SORCS1: variants seen among roughly 807,000 people sequenced by gnomAD.
SORCS1 encodes the protein VPS10 domain-containing receptor SorCS1.
In SORCS1, 60 loss-of-function variants were observed where a neutral mutation model predicts 146.1. The observed-to-expected ratio is 0.41, with a 90% confidence interval of 0.33 to 0.51. The LOEUF is 0.51. SORCS1 is among the 20% of genes least tolerant of loss of function. The pLI is 0.21. For missense variants in SORCS1, 1,352 were observed against 1,487.6 expected, an observed-to-expected ratio of 0.91 and a Z score of 1.50; for synonymous variants, 637 against 584.0, an observed-to-expected ratio of 1.09 and a Z score of -1.31.
chr10:106,578,562 T>C (rs897943751), intron 25 of SORCS1: 2 of 642,098 alleles, frequency 3.1e-6, no homozygotes, highest in Admixed American at 6.5e-5. Context: ...AGACTACCAA[T>C]AGATGTAAAA....
chr10:106,931,568 G>A (rs1013862594), intron 2 of SORCS1, among the ~76,000 whole-genome samples: 6 of 152,190 alleles, frequency 3.9e-5, no homozygotes, highest in South Asian at 2.1e-4. Flanking sequence ...ATGTTTGCTC[G>A]TTTGTAACTC....
chr10:106,898,401 A>G (rs369063163), intron 2 of SORCS1, among the ~76,000 whole-genome samples: 2 of 152,300 alleles, frequency 1.3e-5, no homozygotes, highest in South Asian at 2.1e-4. Flanking sequence ...TGGGCTTTCT[A>G]TGCAGGAGTT....
chr10:107,046,508 C>T (rs1959467230), intron 1 of SORCS1, among the ~76,000 whole-genome samples: 1 of 151,634 alleles, frequency 6.6e-6, no homozygotes, highest in Non-Finnish European at 1.5e-5. Flanking sequence ...TAAAGAGACC[C>T]CAAATGCAAA....
intron 19 of SORCS1, among the ~76,000 whole-genome samples, chr10:106,621,585 G>C (rs1248175788): frequency 1.3e-5 from 2 of 151,474 alleles, no homozygotes; most frequent in Non-Finnish European, 2.9e-5. Context: ...CCCTTTCTGG[G>C]CTCTAGACTC....
Position 106,801,380 on chromosome 10 carries a change from AT to A in SORCS1, c.727-24689del, listed in dbSNP as rs890766222. On this transcript the variant is annotated intron_variant, in intron 3 of 25. Coordinates refer to ENST00000263054, the MANE Select transcript of SORCS1 (RefSeq NM_052918.5). The stretch of plus-strand genomic sequence containing the variant: ...TTTATATATTAACCATAATTGGTCT[AT>A]TTTTTTTACTAATTTATAAAACATC... Among the ~76,000 whole-genome samples the A allele has an allele frequency of 1.7e-3, 252 of 149,142 alleles. 2 individuals carry two copies. Among genetic ancestry groups the A allele is most frequent in the African/African-American group, 5.8e-3 (239 of 41,146 alleles).
rs564248851 is a variant in SORCS1, at chr10:106,594,605, T to C, written c.3265+2746A>G. ...CTCCAGAATTGAAGAATGGGAGAAATAGGGTTAGTTCCAGGTCTAGCTTGA... is the reference window on the plus strand; with the variant it reads ...CTCCAGAATTGAAGAATGGGAGAAACAGGGTTAGTTCCAGGTCTAGCTTGA... On this transcript the variant is annotated intron_variant, in intron 24 of 25. Coordinates refer to ENST00000263054, the MANE Select transcript of SORCS1 (RefSeq NM_052918.5). Among the ~76,000 whole-genome samples, 415 of 152,010 alleles carry C rather than the reference T, an allele frequency of 2.7e-3. 2 individuals carry two copies. Among genetic ancestry groups the C allele is most frequent in the Non-Finnish European group, 5.1e-3 (346 of 67,940 alleles).
At position 107,095,837 on chromosome 10, in the gene SORCS1, G is replaced by T. The variant is rs531861505; in HGVS notation, c.558+68132C>A. 5.5e-4 allele frequency among the ~76,000 whole-genome samples: 83 copies of T among 152,140 alleles called. 1 individual carries two copies. Among genetic ancestry groups the T allele is most frequent in the African/African-American group, 1.9e-3 (80 of 41,514 alleles). The stretch of plus-strand genomic sequence containing the variant: ...TCCAAGGAGAAACACGGTAAAAGGT[G>T]ATTCAGCTAAAATATTATAAAGCCA... On this transcript the variant is annotated intron_variant, in intron 1 of 25. Transcript: ENST00000263054.
At chr10:106,619,669 G>A (rs918834298) in intron 20 of SORCS1, among the ~76,000 whole-genome samples, 10 of 152,088 alleles carry the variant, frequency 6.6e-5, no homozygotes, top group African/African-American at 2.4e-4. Context: ...CATTAGTGGA[G>A]GCATCAGAAG....
intron 2 of SORCS1, among the ~76,000 whole-genome samples, chr10:106,841,429 C>A (rs980888120): frequency 6.6e-6 from 1 of 151,994 alleles, no homozygotes; most frequent in Non-Finnish European, 1.5e-5. Flanking sequence ...AAGATCACAG[C>A]ACTGCACTCC....
intron 2 of SORCS1, among the ~76,000 whole-genome samples, chr10:106,861,692 C>T (rs1950022303): frequency 6.6e-6 from 1 of 152,058 alleles, no homozygotes. Context: ...GAGATCAACA[C>T]CATCCTGGCC....
chr10:106,738,421 T>C (rs1857118332), intron 5 of SORCS1, among the ~76,000 whole-genome samples: 1 of 152,236 alleles, frequency 6.6e-6, no homozygotes, highest in South Asian at 2.1e-4. Flanking sequence ...AAATCTTGAA[T>C]ACTTATAAGT....
intron 1 of SORCS1, among the ~76,000 whole-genome samples, chr10:107,050,819 T>A (rs1055043216): frequency 1.2e-4 from 18 of 152,286 alleles, no homozygotes; most frequent in South Asian, 2.1e-4. Context: ...CTCTCTACTA[T>A]GTCAAAGAAG....
At chr10:107,090,090 G>A (rs1304960922) in intron 1 of SORCS1, among the ~76,000 whole-genome samples, 11 of 152,164 alleles carry the variant, frequency 7.2e-5, no homozygotes. Flanking sequence ...GAGCCTGATG[G>A]CTTCCACGCA....
At chr10:106,995,340 G>T (rs1261357705) in intron 1 of SORCS1, among the ~76,000 whole-genome samples, 2 of 151,772 alleles carry the variant, frequency 1.3e-5, no homozygotes, top group Admixed American at 1.3e-4. Context: ...TAAGAACAGG[G>T]TAACAGAGAA....
intron 17 of SORCS1, among the ~76,000 whole-genome samples, chr10:106,662,891 G>A (rs968883776): frequency 2.0e-5 from 3 of 152,160 alleles, no homozygotes; most frequent in African/African-American, 7.2e-5. Context: ...GGGACTCACA[G>A]GCAGCCCATG....
At chr10:106,602,246 A>G (rs1415454325) in intron 23 of SORCS1, among the ~76,000 whole-genome samples, 1 of 152,150 alleles carries the variant, frequency 6.6e-6, no homozygotes, top group African/African-American at 2.4e-5. Context: ...GGTAGGATGA[A>G]TGCAAATCTT....
rs183707796 is a variant in SORCS1 at position 106,681,979 on chromosome 10, T to C, written c.1561-2245A>G. 1.3e-4 allele frequency among the ~76,000 whole-genome samples: 20 copies of C among 151,986 alleles called. No homozygotes were observed. The East Asian group carries it at 3.3e-3, about 25-fold the overall frequency. On this transcript the variant is annotated intron_variant, in intron 10 of 25. Transcript: ENST00000263054. ...CCTGTCTCTACTAAAAATACAAAAA[T>C]TAGCCAGGCATGGTGGTGGGCACCT...
chr10:106,641,917 G>A (rs1849095680), intron 18 of SORCS1, among the ~76,000 whole-genome samples: 1 of 151,988 alleles, frequency 6.6e-6, no homozygotes, highest in Non-Finnish European at 1.5e-5. Flanking sequence ...AGAGGTCCTA[G>A]TCAAACCAAA....
intron 1 of SORCS1, among the ~76,000 whole-genome samples, chr10:107,150,018 T>C (rs553403640): frequency 6.6e-6 from 1 of 152,300 alleles, no homozygotes; most frequent in East Asian, 1.9e-4. Flanking sequence ...AAATTAGGTG[T>C]CCCCCAGTCA....
Sources: gnomAD v4.1 joint callset for allele counts (sites outside exome capture counted in the v4.1 genomes callset) on GRCh38, gnomAD v4.1.1 for gene constraint, MANE v1.5 for transcripts, NCBI Gene and HGNC (gene_info 2026-07-23, HGNC 2026-07-21) for gene names.